DYSF: variants seen among roughly 807,000 people sequenced by gnomAD.
The protein encoded by DYSF is dystrophy-associated fer-1-like 1.
Under a neutral mutation model 274.9 loss-of-function variants are expected in DYSF, and 212 were observed. The observed-to-expected ratio is 0.77, with a 90% CI of 0.69 to 0.86. The LOEUF (loss-of-function observed/expected upper bound fraction) is 0.86. Among genes scored for constraint, DYSF ranks in the 40% least tolerant of loss-of-function variants. The probability of loss-of-function intolerance (pLI) is 0.00; values close to 1 mark genes in which losing one functional copy is unlikely to be tolerated. For synonymous variants in DYSF, 1,091 were observed against 1,078.7 expected (o/e 1.01, Z -0.22); for missense variants, 2,666 against 2,783.2 (o/e 0.96, Z 0.95).
chr2:71,667,159 T>C (rs1244524404), intron 47 of DYSF, among the ~76,000 whole-genome samples: 1 of 152,058 alleles, frequency 6.6e-6, no homozygotes, highest in African/African-American at 2.4e-5. Context: ...CAATGGGGAA[T>C]CTGGATTTTA....
intron 40 of DYSF, among the ~76,000 whole-genome samples, chr2:71,613,824 G>C (rs1436950347): frequency 6.6e-6 from 1 of 152,176 alleles, no homozygotes; most frequent in South Asian, 2.1e-4. Flanking sequence ...TAGGGGGAAG[G>C]TTGTTCTGTG....
Position 71,511,911 on chromosome 2 carries a change from T to G in DYSF, c.450T>G (p.Asp150Glu). The G allele has an allele frequency of 6.5e-7, 1 of 1,547,516 alleles. No individual in the cohort carries two copies. The highest frequency in any genetic ancestry group is 8.7e-7 in the Non-Finnish European group (1 of 1,143,648). Residue 150 changes from aspartate (D) to glutamate (E), a missense_variant, in exon 5 of 56, where the codon GAT (aspartate) becomes GAG (glutamate). Physicochemically the swap from Asp to Glu is conservative, Grantham distance 45 (BLOSUM62 2). Transcript: ENST00000410020. The stretch of plus-strand genomic sequence containing the variant: ...CCTCCCCGACTCTGCCTGACCTGGA[T>G]GTAGTGGCAGGTGGGTAGCCCACGT... ...LEPSPTLPDL[D>E]VVAGGGQSRA...
chr2:71,527,541 C>A (rs542709725), intron 13 of DYSF, among the ~76,000 whole-genome samples: 1 of 152,150 alleles, frequency 6.6e-6, no homozygotes, highest in South Asian at 2.1e-4. Context: ...GAAATGTTTG[C>A]TTTTCTTAAG....
rs1212566298 is a variant in DYSF, at chr2:71,546,993, C to T, written c.1577-4048C>T. Among the ~76,000 whole-genome samples the T allele has an allele frequency of 2.0e-5, 3 of 152,242 alleles. No homozygotes were observed. The East Asian group carries it at 5.8e-4, about 29-fold the overall frequency. ...CTCCTTCAGCTTCCCCCAGGTGAGG[C>T]AGCTGGGCTTCGTTGCTCGGGCCAC... is the stretch of plus-strand genomic sequence containing the variant. On this transcript the variant is annotated intron_variant, in intron 17 of 55. Coordinates refer to ENST00000410020, the MANE Select transcript of DYSF (RefSeq NM_001130987.2).
chr2:71,511,148 C>A (rs956962133), intron 4 of DYSF, among the ~76,000 whole-genome samples: 5 of 152,222 alleles, frequency 3.3e-5, no homozygotes, highest in African/African-American at 4.8e-5. Context: ...CATGGGCAAC[C>A]CGACCTCGCC....
chr2:71,637,218 G>T (rs2094418332), intron 41 of DYSF, among the ~76,000 whole-genome samples: 1 of 152,178 alleles, frequency 6.6e-6, no homozygotes, highest in Non-Finnish European at 1.5e-5. Context: ...ACCCAGAGGG[G>T]AGGGATGTTG....
chr2:71,560,643 C>T (rs1423768555), intron 22 of DYSF, among the ~76,000 whole-genome samples: 1 of 152,206 alleles, frequency 6.6e-6, no homozygotes, highest in Non-Finnish European at 1.5e-5. Context: ...ATGTAGTGCG[C>T]CGAGGGCCTG....
At chr2:71,684,269 GTGTGGTGTCCTGCAGCA>G (rs2095329759) in intron 55 of DYSF, among the ~76,000 whole-genome samples, 1 of 152,028 alleles carries the variant, frequency 6.6e-6, no homozygotes, top group Admixed American at 6.5e-5. Context: ...GTGTGTGCAC[GTGTGGTGTCCTGCAGCA>G]TGAGCTGTTG....
intron 14 of DYSF, 33 bp downstream of exon 14, chr2:71,528,434 G>T: frequency 6.3e-7 from 1 of 1,579,804 alleles, no homozygotes; most frequent in Non-Finnish European, 8.7e-7. Context: ...GGTTCTCTCG[G>T]GAGGGGACTT....
chr2:71,627,784 C>T, intron 41 of DYSF, among the ~76,000 whole-genome samples: 1 of 152,036 alleles, frequency 6.6e-6, no homozygotes, highest in East Asian at 1.9e-4. Context: ...TTATATCTTC[C>T]TGGAGAATTG....
At chr2:71,670,467 A>C (rs1015599091) in intron 51 of DYSF, among the ~76,000 whole-genome samples, 1 of 152,168 alleles carries the variant, frequency 6.6e-6, no homozygotes, top group East Asian at 1.9e-4. Flanking sequence ...CCCATTTTCC[A>C]CATCTGTGCC....
intron 1 of DYSF, among the ~76,000 whole-genome samples, chr2:71,454,554 C>T (rs1340406576): frequency 2.0e-5 from 3 of 152,206 alleles, no homozygotes; most frequent in Non-Finnish European, 4.4e-5. Flanking sequence ...GCTGGCCTGG[C>T]AGGCTGGCAG....
At position 71,547,918 on chromosome 2, in the gene DYSF, G is replaced by A. The variant is rs377121779; in HGVS notation, c.1577-3123G>A. Among the ~76,000 whole-genome samples, 6 of 152,326 alleles carry A rather than the reference G, an allele frequency of 3.9e-5. No homozygotes were observed. In the South Asian group the frequency reaches 6.2e-4, roughly 16 times the overall value. On this transcript the variant is annotated intron_variant, in intron 17 of 55. Coordinates refer to ENST00000410020, the MANE Select transcript of DYSF (RefSeq NM_001130987.2). ...CTTGGCCTCATTAGCCCGAGATAAC[G>A]GGCCAGGCCTGTTAGTAATCATTTA...
At chr2:71,672,997 G>A (rs980829485) in intron 51 of DYSF, among the ~76,000 whole-genome samples, 1 of 152,192 alleles carries the variant, frequency 6.6e-6, no homozygotes. Context: ...TGGGATTTCC[G>A]TGGCCAACCT....
At position 71,528,280 on chromosome 2, in the gene DYSF, G is replaced by C. The variant is rs1377746878; in HGVS notation, c.1277-18G>C. 1.9e-6 allele frequency: 3 copies of C among 1,607,410 alleles called. 1 individual carries two copies. In the South Asian group the frequency reaches 3.3e-5, roughly 18 times the overall value. On this transcript the variant is annotated intron_variant, in intron 13 of 55. Coordinates refer to ENST00000410020, the MANE Select transcript of DYSF (RefSeq NM_001130987.2). ...AGAGACAGCAGGCAGGCAGTGACTG[G>C]TGTGTCCCTCTTCCCAGTGGACGAT...
chr2:71,462,468 G>C (rs564262703), upstream of DYSF, among the ~76,000 whole-genome samples: 1 of 152,296 alleles, frequency 6.6e-6, no homozygotes, highest in African/African-American at 2.4e-5. Context: ...TCTCGTTCTC[G>C]TTGCCTGCAA....
At position 71,547,445 on chromosome 2, in the gene DYSF, C is replaced by T. The variant is rs372459605; in HGVS notation, c.1577-3596C>T. Among the ~76,000 whole-genome samples, 7 of 152,242 alleles carry T rather than the reference C, an allele frequency of 4.6e-5. No individual in the cohort carries two copies. In the East Asian group the frequency reaches 7.7e-4, roughly 17 times the overall value. ...GGTGGATCACCTGAGTTCAGGAGTT[C>T]GAGACCAGCCTGGCTAACATGGTGA... On this transcript the variant is annotated intron_variant, in intron 17 of 55. Coordinates refer to ENST00000410020, the MANE Select transcript of DYSF (RefSeq NM_001130987.2).
At chr2:71,600,902 C>G (rs1449151196) in intron 34 of DYSF, 60 bp downstream of exon 34, 1 of 1,598,588 alleles carries the variant, frequency 6.3e-7, no homozygotes, top group African/African-American at 1.3e-5. Context: ...GGGGGCCAAC[C>G]CTCTGTGGGA....
chr2:71,560,832 C>G (rs1459346877), intron 22 of DYSF, among the ~76,000 whole-genome samples: 1 of 151,900 alleles, frequency 6.6e-6, no homozygotes, highest in Non-Finnish European at 1.5e-5. Context: ...GCGGGTTTGA[C>G]TAATGTCCTG....
Sources: allele counts gnomAD v4.1 joint callset (sites outside exome capture counted in the v4.1 genomes callset), GRCh38; gene constraint gnomAD v4.1.1; transcripts MANE v1.5; gene names NCBI Gene and HGNC (gene_info 2026-07-23, HGNC 2026-07-21).